The following LGSN variants were observed in gnomAD, a reference collection of about 807,000 sequenced individuals.
The protein encoded by LGSN is lengsin, lens protein with glutamine synthetase domain.
Under a neutral mutation model 19.5 loss-of-function variants are expected in LGSN, and 21 were observed. The observed-to-expected ratio is 1.07, with a 90% CI of 0.76 to 1.55. The LOEUF (loss-of-function observed/expected upper bound fraction) is 1.55, where lower values mean the gene tolerates loss of function less well. Ranked by LOEUF, LGSN falls within the 40% of genes most tolerant of loss-of-function variation. The pLI, the probability that LGSN is intolerant of heterozygous loss-of-function variation, is 0.00. For missense variants in LGSN, 673 were observed against 608.5 expected, an observed-to-expected ratio of 1.11 and a Z score of -1.12; for synonymous variants, 257 against 215.6, an observed-to-expected ratio of 1.19 and a Z score of -1.68.
At chr6:63,346,148 G>A in the LGSN span, among the ~76,000 whole-genome samples, 5 of 151,674 alleles carry the variant, frequency 3.3e-5, no homozygotes, top group Non-Finnish European at 7.4e-5. Context: ...GTTCTAATAA[G>A]GTCTTTGACA....
At chr6:63,559,311 G>A in the LGSN span, among the ~76,000 whole-genome samples, 1 of 152,144 alleles carries the variant, frequency 6.6e-6, no homozygotes, top group African/African-American at 2.4e-5. Flanking sequence ...GGAGTTATTT[G>A]GGGGAAGTGA....
chr6:63,473,431 G>T, the LGSN span, among the ~76,000 whole-genome samples: 6 of 131,006 alleles, frequency 4.6e-5, no homozygotes, highest in South Asian at 1.5e-3. Context: ...CCGAGATCAT[G>T]CCACTGCACT....
the LGSN span, among the ~76,000 whole-genome samples, chr6:63,476,648 G>C: frequency 1.3e-5 from 2 of 152,174 alleles, no homozygotes; most frequent in Non-Finnish European, 2.9e-5. Context: ...GCAGCTGCTA[G>C]ACTCCAAAAC....
At chr6:63,281,318 T>TATATATATAC (rs1767311967) in intron 3 of LGSN, 98 bp from the exon 4 acceptor site, 2 of 166,704 alleles carry the variant, frequency 1.2e-5, no homozygotes, top group African/African-American at 5.0e-5. Context: ...TATATATATA[T>TATATATATAC]ATATATATAT....
the LGSN span, among the ~76,000 whole-genome samples, chr6:63,329,657 G>A: frequency 3.0e-3 from 450 of 152,262 alleles, 3 homozygotes; most frequent in African/African-American, 0.01. Flanking sequence ...TGCCTTTCCA[G>A]ATTCTCCTTC....
chr6:63,324,208 C>T (rs1201093531), upstream of LGSN, among the ~76,000 whole-genome samples: 2 of 152,222 alleles, frequency 1.3e-5, no homozygotes, highest in Non-Finnish European at 2.9e-5. Flanking sequence ...ACAGTCTCCT[C>T]AAAGGTTCTT....
At chr6:63,534,433 A>G in the LGSN span, among the ~76,000 whole-genome samples, 2 of 145,324 alleles carry the variant, frequency 1.4e-5, no homozygotes, top group Non-Finnish European at 3.0e-5. Flanking sequence ...CACAGAAGCC[A>G]TCACCACACA....
the LGSN span, among the ~76,000 whole-genome samples, chr6:63,500,610 A>G: frequency 6.6e-6 from 1 of 151,898 alleles, no homozygotes; most frequent in Non-Finnish European, 1.5e-5. Context: ...TAGTAGGGAT[A>G]GGGTTGCTCC....
the LGSN span, among the ~76,000 whole-genome samples, chr6:63,564,544 A>G: frequency 6.6e-6 from 1 of 152,208 alleles, no homozygotes; most frequent in Admixed American, 6.5e-5. Context: ...TGCTTAGGTC[A>G]CTGTCTGTCT....
chr6:63,357,589 T>C, the LGSN span, among the ~76,000 whole-genome samples: 3 of 152,268 alleles, frequency 2.0e-5, no homozygotes, highest in African/African-American at 7.2e-5. Flanking sequence ...CCACTGATGA[T>C]GAACATTTTT....
At chr6:63,441,353 C>A in the LGSN span, 3 of 478,834 alleles carry the variant, frequency 6.3e-6, no homozygotes, top group Non-Finnish European at 1.3e-5. Flanking sequence ...CTCTCCTCAA[C>A]AACAGGCTGG....
At chr6:63,537,134 A>G in the LGSN span, among the ~76,000 whole-genome samples, 6 of 152,262 alleles carry the variant, frequency 3.9e-5, no homozygotes, top group African/African-American at 7.2e-5. Flanking sequence ...AAGTGAATGA[A>G]TTAGAATAAT....
At chr6:63,369,793 C>A in the LGSN span, among the ~76,000 whole-genome samples, 1 of 152,080 alleles carries the variant, frequency 6.6e-6, no homozygotes, top group African/African-American at 2.4e-5. Flanking sequence ...GGCCTGAGCT[C>A]AGGAGTTGAG....
At chr6:63,494,192 C>T in the LGSN span, among the ~76,000 whole-genome samples, 10 of 152,090 alleles carry the variant, frequency 6.6e-5, no homozygotes, top group East Asian at 5.8e-4. Context: ...TCAGGTGATC[C>T]GCCCGCCTCA....
chr6:63,526,711 A>G, the LGSN span, among the ~76,000 whole-genome samples: 1 of 149,712 alleles, frequency 6.7e-6, no homozygotes, highest in Non-Finnish European at 1.5e-5. Flanking sequence ...CGGAGGCTGC[A>G]TTTCTTGAAT....
At chr6:63,323,698 A>G (rs555781271), upstream of LGSN, among the ~76,000 whole-genome samples, 7 of 140,220 alleles carry the variant, frequency 5.0e-5, no homozygotes, top group Non-Finnish European at 8.9e-5. Context: ...TAGAAAATTG[A>G]TTTCTTATTT....
At chr6:63,470,007 C>T in the LGSN span, among the ~76,000 whole-genome samples, 10 of 152,088 alleles carry the variant, frequency 6.6e-5, no homozygotes, top group Admixed American at 6.6e-5. Context: ...TGAGCCACTG[C>T]GCCTGGCCAC....
At chr6:63,478,644 G>A in the LGSN span, among the ~76,000 whole-genome samples, 8 of 152,206 alleles carry the variant, frequency 5.3e-5, no homozygotes, top group Non-Finnish European at 1.2e-4. Flanking sequence ...CCCCATGTAC[G>A]GCTCATTCTA....
the LGSN span, among the ~76,000 whole-genome samples, chr6:63,385,831 T>C: frequency 6.6e-6 from 1 of 152,194 alleles, no homozygotes; most frequent in South Asian, 2.1e-4. Context: ...TTAGTTGACA[T>C]GGTCAACCCA....
Sources: allele counts gnomAD v4.1 joint callset (sites outside exome capture counted in the v4.1 genomes callset), GRCh38; gene constraint gnomAD v4.1.1; transcripts MANE v1.5; gene names NCBI Gene and HGNC (gene_info 2026-07-23, HGNC 2026-07-21).